The following OR13C4 variants were observed in gnomAD, a reference collection of about 807,000 sequenced individuals.
OR13C4 encodes the protein olfactory receptor family 13 subfamily C member 4.
For synonymous variants in OR13C4, 138 were observed against 140.8 expected (o/e 0.98, Z 0.14); for missense variants, 383 against 381.7 (o/e 1.00, Z -0.03).
At position 104,526,440 on chromosome 9, in the gene OR13C4, A is replaced by G; in HGVS notation, c.770T>C (p.Phe257Ser). The G allele has an allele frequency of 6.2e-7, 1 of 1,614,170 alleles. No homozygotes were observed. Among genetic ancestry groups the G allele is most frequent in the Non-Finnish European group, 8.5e-7 (1 of 1,180,018 alleles). The change falls in exon 1 of 1, where the codon TTT becomes TCT. Residue 257 changes from phenylalanine to serine, a missense_variant. Coordinates refer to ENST00000277216, the MANE Select transcript of OR13C4 (RefSeq NM_001001919.1). ...CTGGGACTTAGGTTTTGCATACATA[A>G]AGAAGATGGTACCATAAAATATGAT... ...VVIIFYGTIF[F>S]MYAKPKSQDL...
rs1249821628 is a variant in OR13C4, at chr9:104,526,505, G to T, written c.705C>A (p.His235Gln). 6.2e-7 allele frequency: 1 copy of T among 1,614,038 alleles called. No individual in the cohort carries two copies. The highest frequency in any genetic ancestry group is 1.3e-5 in the African/African-American group (1 of 75,040). ...GAGCTGAGCATGTAGAAAATGCCTT[G>T]TGTCTTCCTGTGGCCGAGTTCGTTC... ...ILRTNSATGR[H>Q]KAFSTCSAHL... Residue 235 changes from histidine to glutamine, a missense_variant, in exon 1 of 1, where the codon CAC becomes CAA. By Grantham distance (24) the His-to-Gln change is conservative. Transcript: ENST00000277216.
At position 104,526,697 on chromosome 9, in the gene OR13C4, G is replaced by T; in HGVS notation, c.513C>A (p.Asn171Lys). ...SLAMRWPFCG[N>K]NIINHFLCEI... Reference sequence around the variant, plus strand: ...CGCATAAGAAATGATTAATAATATTGTTCCCACAGAAAGGCCATCGCATGG... The same window carrying T: ...CGCATAAGAAATGATTAATAATATTTTTCCCACAGAAAGGCCATCGCATGG... Residue 171 changes from asparagine to lysine, a missense_variant, in exon 1 of 1, where the codon AAC (asparagine) becomes AAA (lysine). Physicochemically the swap from Asn to Lys is moderately conservative, Grantham distance 94 (BLOSUM62 0). Coordinates refer to ENST00000277216, the MANE Select transcript of OR13C4 (RefSeq NM_001001919.1). 1 of 1,613,872 alleles carries T rather than the reference G, an allele frequency of 6.2e-7. No individual in the cohort carries two copies. The highest frequency in any genetic ancestry group is 8.5e-7 in the Non-Finnish European group (1 of 1,179,852).
rs760417166 is a variant in OR13C4, at chr9:104,526,609, C to A, written c.601G>T (p.Val201Leu). ...AGAACTAGGAAAGCAATATTTGACA[C>A]TGCTAGGGTAACAATATTGACAGAT... ...DISVNIVTLA[V>L]SNIAFLVLPL... Residue 201 changes from valine (V) to leucine (L), a missense_variant, in exon 1 of 1, where the codon GTG (valine) becomes TTG (leucine). Physicochemically the swap from Val to Leu is conservative, Grantham distance 32. Coordinates refer to ENST00000277216, the MANE Select transcript of OR13C4 (RefSeq NM_001001919.1). 1 of 1,613,532 alleles carries A rather than the reference C, an allele frequency of 6.2e-7. No homozygotes were observed. The highest frequency in any genetic ancestry group is 8.5e-7 in the Non-Finnish European group (1 of 1,179,438).
At position 104,527,182 on chromosome 9, in the gene OR13C4, TCA is replaced by T. The variant is rs1257625001; in HGVS notation, c.26_27del (p.Val9GlufsTer15). On this transcript the variant is annotated frameshift_variant, in exon 1 of 1. Transcript: ENST00000277216. LOFTEE classifies it low-confidence loss of function (END_TRUNC). MDKINQTF[V>X]REFILLGLSG... is the part of the protein sequence containing the mutation. ...GAGAGTCCCAGAAGAATGAATTCTC[TCA>T]CAAATGTCTGGTTTATCTTGTCCAT... The T allele has an allele frequency of 1.2e-5, 19 of 1,607,834 alleles. No homozygotes were observed. Among genetic ancestry groups the T allele is most frequent in the Non-Finnish European group, 1.6e-5 (19 of 1,178,020 alleles).
At position 104,526,598 on chromosome 9, in the gene OR13C4, A is replaced by C; in HGVS notation, c.612T>G (p.Ile204Met). 3 of 1,613,984 alleles carry C rather than the reference A, an allele frequency of 1.9e-6. No homozygotes were observed. The Admixed American group carries it at 5.0e-5, about 27-fold the overall frequency. The change falls in exon 1 of 1, where the codon ATT (isoleucine) becomes ATG (methionine). Residue 204 changes from isoleucine (I) to methionine (M), a missense_variant. Physicochemically the swap from Ile to Met is conservative, Grantham distance 10 (BLOSUM62 1). Coordinates refer to ENST00000277216, the MANE Select transcript of OR13C4 (RefSeq NM_001001919.1). Reference protein sequence around the residue: ...VNIVTLAVSNIAFLVLPLLVI... With the variant: ...VNIVTLAVSNMAFLVLPLLVI... ...CGAGCAGAGGAAGAACTAGGAAAGC[A>C]ATATTTGACACTGCTAGGGTAACAA... is the stretch of plus-strand genomic sequence containing the variant.
At position 104,526,258 on chromosome 9, in the gene OR13C4, G is replaced by A; in HGVS notation, c.952C>T (p.Gln318Ter). 6.5e-7 allele frequency: 1 copy of A among 1,550,198 alleles called. No individual in the cohort carries two copies. Among genetic ancestry groups the A allele is most frequent in the Non-Finnish European group, 8.8e-7 (1 of 1,135,154 alleles). Residue 318 changes from glutamine to a stop codon, truncating the protein, a stop_gained, in exon 1 of 1, where the codon CAG becomes TAG. Coordinates refer to ENST00000277216, the MANE Select transcript of OR13C4 (RefSeq NM_001001919.1). LOFTEE classifies it high-confidence loss of function. ...ACCCATATATCCCTTTGATCTTACT[G>A]GTTAATAGCTTTCCTGCTCAGCAAA... Reference protein sequence around the residue: ...KYLLSRKAINQ With the variant: ...KYLLSRKAIN
rs1428154393 is a variant in OR13C4 at position 104,526,294 on chromosome 9, C to G, written c.916G>C (p.Ala306Pro). The change falls in exon 1 of 1, where the codon GCT becomes CCT. Residue 306 changes from alanine (A) to proline (P), a missense_variant. By Grantham distance (27) the Ala-to-Pro change is conservative. Coordinates refer to ENST00000277216, the MANE Select transcript of OR13C4 (RefSeq NM_001001919.1). ...YSLRNKDVKA[A>P]IKYLLSRKAI... is the part of the protein sequence containing the mutation. ...TTCCTGCTCAGCAAATATTTTATAGCAGCTTTTACATCTTTATTTCTCAAG... is the reference window on the plus strand; with the variant it reads ...TTCCTGCTCAGCAAATATTTTATAGGAGCTTTTACATCTTTATTTCTCAAG... The G allele has an allele frequency of 1.2e-6, 2 of 1,603,562 alleles. No homozygotes were observed. Among genetic ancestry groups the G allele is most frequent in the African/African-American group, 2.7e-5 (2 of 74,116 alleles).
chr9:104,526,482 G>A lies in OR13C4; in HGVS notation c.728C>T (p.Ala243Val), dbSNP rs1828712193. The change falls in exon 1 of 1, where the codon GCT becomes GTT. Residue 243 changes from alanine (A) to valine (V), a missense_variant. Transcript: ENST00000277216. The part of the protein sequence containing the change: ...GRHKAFSTCS[A>V]HLTVVIIFYG... Reference sequence around the variant, plus strand: ...AAATATGATCACCACAGTCAGGTGAGCTGAGCATGTAGAAAATGCCTTGTG... The same window carrying A: ...AAATATGATCACCACAGTCAGGTGAACTGAGCATGTAGAAAATGCCTTGTG... 2 of 1,613,976 alleles carry A rather than the reference G, an allele frequency of 1.2e-6. No homozygotes were observed. The highest frequency in any genetic ancestry group is 1.7e-6 in the Non-Finnish European group (2 of 1,179,884).
At position 104,526,694 on chromosome 9, in the gene OR13C4, A is replaced by T. The variant is rs1028617859; in HGVS notation, c.516T>A (p.Asn172Lys). 6.2e-7 allele frequency: 1 copy of T among 1,613,936 alleles called. No individual in the cohort carries two copies. Among genetic ancestry groups the T allele is most frequent in the Middle Eastern group, 1.7e-4 (1 of 6,060 alleles). The change falls in exon 1 of 1, where the codon AAT (asparagine) becomes AAA (lysine). Residue 172 changes from asparagine to lysine, a missense_variant. By Grantham distance (94) the Asn-to-Lys change is moderately conservative. Coordinates refer to ENST00000277216, the MANE Select transcript of OR13C4 (RefSeq NM_001001919.1). ...TCTCGCATAAGAAATGATTAATAAT[A>T]TTGTTCCCACAGAAAGGCCATCGCA... ...LAMRWPFCGN[N>K]IINHFLCEIL...
rs1564206363 is a variant in OR13C4, at chr9:104,526,498, ATGCCTTG to A, written c.705_711del (p.Lys236PhefsTer8). 6.2e-7 allele frequency: 1 copy of A among 1,614,104 alleles called. No homozygotes were observed. The highest frequency in any genetic ancestry group is 8.5e-7 in the Non-Finnish European group (1 of 1,179,958). ...GTCAGGTGAGCTGAGCATGTAGAAA[ATGCCTTG>A]TGTCTTCCTGTGGCCGAGTTCGTTC... On this transcript the variant is annotated frameshift_variant, in exon 1 of 1. Transcript: ENST00000277216. LOFTEE classifies it low-confidence loss of function (END_TRUNC).
Position 104,527,147 on chromosome 9 carries a change from G to T in OR13C4, c.63C>A (p.Pro21=). Residue 21 remains proline (P), a synonymous_variant, in exon 1 of 1, where the codon CCC becomes CCA. Transcript: ENST00000277216. ...EFILLGLSGY[P]KLEIIFFALI... is the part of the protein sequence containing the mutation. ...GAGCAAAGAAAATGATCTCAAGTTT[G>T]GGGTAACCAGAGAGTCCCAGAAGAA... 2 of 1,612,842 alleles carry T rather than the reference G, an allele frequency of 1.2e-6. No homozygotes were observed. The highest frequency in any genetic ancestry group is 1.7e-6 in the Non-Finnish European group (2 of 1,179,660).
In OR13C4 at chr9:104,526,990, T is replaced by C. The variant is rs1828719689; in HGVS notation, c.220A>G (p.Thr74Ala). ...GNLSFLDICY[T>A]TSSIPSTLVS... ...AGTGTTGAGGGAATGGAGGAGGTTGTATAGCAGATATCCAGGAAAGAGAGG... is the reference window on the plus strand; with the variant it reads ...AGTGTTGAGGGAATGGAGGAGGTTGCATAGCAGATATCCAGGAAAGAGAGG... Residue 74 changes from threonine to alanine, a missense_variant, in exon 1 of 1, where the codon ACA becomes GCA. Coordinates refer to ENST00000277216, the MANE Select transcript of OR13C4 (RefSeq NM_001001919.1). The C allele has an allele frequency of 6.2e-7, 1 of 1,614,052 alleles. No individual in the cohort carries two copies. Among genetic ancestry groups the C allele is most frequent in the African/African-American group, 1.3e-5 (1 of 74,936 alleles).
Position 104,526,547 on chromosome 9 carries a change from G to T in OR13C4, c.663C>A (p.Ile221=). 5 of 1,614,088 alleles carry T rather than the reference G, an allele frequency of 3.1e-6. No individual in the cohort carries two copies. The highest frequency in any genetic ancestry group is 4.2e-6 in the Non-Finnish European group (5 of 1,179,994). Residue 221 remains isoleucine (I), a synonymous_variant, in exon 1 of 1, where the codon ATC becomes ATA. Transcript: ENST00000277216. ...LLVIFFSYMF[I]LYTILRTNSA... is the part of the protein sequence containing the mutation. Reference sequence around the variant, plus strand: ...AGTTCGTTCGCAAGATGGTGTAGAGGATGAACATATAGGAGAAAAAAATCA... The same window carrying T: ...AGTTCGTTCGCAAGATGGTGTAGAGTATGAACATATAGGAGAAAAAAATCA...
At position 104,527,052 on chromosome 9, in the gene OR13C4, G is replaced by A; in HGVS notation, c.158C>T (p.Ser53Phe). Residue 53 changes from serine to phenylalanine, a missense_variant, in exon 1 of 1, where the codon TCT (serine) becomes TTT (phenylalanine). Coordinates refer to ENST00000277216, the MANE Select transcript of OR13C4 (RefSeq NM_001001919.1). ...GVLIIASILD[S>F]RLHMPMYFFL... ...GAAGTACATGGGCATGTGAAGACGA[G>A]AATCCAAGATGCTTGCTATGATCAG... The A allele has an allele frequency of 6.2e-7, 1 of 1,614,112 alleles. No homozygotes were observed. The highest frequency in any genetic ancestry group is 8.5e-7 in the Non-Finnish European group (1 of 1,179,984).
chr9:104,526,809 A>G lies in OR13C4; in HGVS notation c.401T>C (p.Ile134Thr), dbSNP rs760078998. Residue 134 changes from isoleucine to threonine, a missense_variant, in exon 1 of 1, where the codon ATC (isoleucine) becomes ACC (threonine). By Grantham distance (89) the Ile-to-Thr change is moderately conservative. Transcript: ENST00000277216. ...VAICNPLRYPIIMNKVVYVLL... is the reference protein window; with the variant it reads ...VAICNPLRYPTIMNKVVYVLL... ...TACATACACCACCTTGTTCATGATG[A>G]TGGGGTATCTCAGAGGGTTACAGAT... 1.2e-6 allele frequency: 2 copies of G among 1,614,190 alleles called. No individual in the cohort carries two copies. The highest frequency in any genetic ancestry group is 1.7e-6 in the Non-Finnish European group (2 of 1,180,020).
chr9:104,527,111 A>C lies in OR13C4; in HGVS notation c.99T>G (p.Val33=). The C allele has an allele frequency of 6.2e-7, 1 of 1,613,670 alleles. No individual in the cohort carries two copies. Among genetic ancestry groups the C allele is most frequent in the Non-Finnish European group, 8.5e-7 (1 of 1,179,650 alleles). ...LEIIFFALIL[V]MYVVILIGNG... The stretch of plus-strand genomic sequence containing the variant: ...TGCCAATTAGAATCACTACGTACAT[A>C]ACTAGAATCAGAGCAAAGAAAATGA... The change falls in exon 1 of 1, where the codon GTT becomes GTG. Residue 33 remains valine, a synonymous_variant. Coordinates refer to ENST00000277216, the MANE Select transcript of OR13C4 (RefSeq NM_001001919.1).
In OR13C4 at chr9:104,526,668, A is replaced by C. The variant is rs1828715374; in HGVS notation, c.542T>G (p.Ile181Ser). Residue 181 changes from isoleucine to serine, a missense_variant, in exon 1 of 1, where the codon ATC becomes AGC. By Grantham distance (142) the Ile-to-Ser change is moderately radical. Transcript: ENST00000277216. ...NNIINHFLCE[I>S]LAVLKLACSD... Reference sequence around the variant, plus strand: ...ACAAGCTAATTTTAGGACAGCTAAGATCTCGCATAAGAAATGATTAATAAT... The same window carrying C: ...ACAAGCTAATTTTAGGACAGCTAAGCTCTCGCATAAGAAATGATTAATAAT... 6.2e-7 allele frequency: 1 copy of C among 1,614,022 alleles called. No individual in the cohort carries two copies. The highest frequency in any genetic ancestry group is 8.5e-7 in the Non-Finnish European group (1 of 1,179,888).
In OR13C4 at chr9:104,526,702, C is replaced by T; in HGVS notation, c.508G>A (p.Gly170Arg). ...TSLAMRWPFCGNNIINHFLCE... is the reference protein window; with the variant it reads ...TSLAMRWPFCRNNIINHFLCE... ...AAGAAATGATTAATAATATTGTTCC[C>T]ACAGAAAGGCCATCGCATGGCAAGT... The change falls in exon 1 of 1, where the codon GGG becomes AGG. Residue 170 changes from glycine to arginine, a missense_variant. Coordinates refer to ENST00000277216, the MANE Select transcript of OR13C4 (RefSeq NM_001001919.1). The T allele has an allele frequency of 3.7e-6, 6 of 1,613,850 alleles. No homozygotes were observed. Among genetic ancestry groups the T allele is most frequent in the Non-Finnish European group, 5.1e-6 (6 of 1,179,858 alleles).
In OR13C4 at chr9:104,526,366, T is replaced by C. The variant is rs771518898; in HGVS notation, c.844A>G (p.Met282Val). 39 of 1,613,580 alleles carry C rather than the reference T, an allele frequency of 2.4e-5. No individual in the cohort carries two copies. The Admixed American group carries it at 5.8e-4, about 24-fold the overall frequency. ...ATGGGGGTCACAACCCCATAAAACA[T>C]GGAAACAAGCCCCTCTGTAGCTTGC... Reference protein sequence around the residue: ...NLQATEGLVSMFYGVVTPMLN... With the variant: ...NLQATEGLVSVFYGVVTPMLN... Residue 282 changes from methionine (M) to valine (V), a missense_variant, in exon 1 of 1, where the codon ATG becomes GTG. Transcript: ENST00000277216.
Sources: gnomAD v4.1 joint callset for allele counts on GRCh38, gnomAD v4.1.1 for gene constraint, MANE v1.5 for transcripts, NCBI Gene and HGNC (gene_info 2026-07-23, HGNC 2026-07-21) for gene names.